Variants in LETMD1 observed in about 807,000 individuals in gnomAD.
The protein encoded by LETMD1 is LETM1 domain containing 1.
Under a neutral mutation model 43.9 loss-of-function variants are expected in LETMD1, and 30 were observed. The observed-to-expected ratio is 0.68, with a 90% CI of 0.51 to 0.93. LETMD1 has a LOEUF of 0.93. Ranked by LOEUF, LETMD1 falls within the 40% of genes least tolerant of loss-of-function variation. LETMD1 has a pLI of 0.00. For synonymous variants in LETMD1, 176 were observed against 163.1 expected, an observed-to-expected ratio of 1.08 and a Z score of -0.60; for missense variants, 413 against 447.7, an observed-to-expected ratio of 0.92 and a Z score of 0.70.
chr12:51,055,678 A>C (rs1262588390), intron 4 of LETMD1, 157 bp from the exon 5 acceptor site: 31 of 425,778 alleles, frequency 7.3e-5, no homozygotes, highest in East Asian at 7.2e-4. Context: ...AAAAAAAAAA[A>C]AAAAAAAAAA....
intron 8 of LETMD1, chr12:51,059,151 A>G (rs1948549838): frequency 3.7e-6 from 2 of 543,064 alleles, no homozygotes; most frequent in Non-Finnish European, 3.3e-6. Context: ...TCACATGAGA[A>G]ATAGAGGATG....
intron 4 of LETMD1, among the ~76,000 whole-genome samples, chr12:51,055,427 G>C (rs1271726377): frequency 6.6e-6 from 1 of 151,998 alleles, no homozygotes; most frequent in Non-Finnish European, 1.5e-5. Context: ...CACTTGGGGA[G>C]ACTGAAGCAG....
chr12:51,048,326 C>CTT (rs1484937555), upstream of LETMD1: 6 of 1,613,784 alleles, frequency 3.7e-6, no homozygotes, highest in Admixed American at 6.7e-5. Context: ...CCAAAGACAA[C>CTT]CTCTTCTCTC....
At chr12:51,063,771 GA>G, downstream of LETMD1, 2 of 1,576,350 alleles carry the variant, frequency 1.3e-6, no homozygotes, top group Non-Finnish European at 8.6e-7. Context: ...GAGTTCTAAG[GA>G]AGAATCTTCA....
At chr12:51,064,603 C>A, downstream of LETMD1, 1 of 1,586,692 alleles carries the variant, frequency 6.3e-7, no homozygotes. Flanking sequence ...GGATTAAATT[C>A]AATGCGTCCT....
chr12:51,051,483 G>A (rs1277268349), intron 2 of LETMD1, among the ~76,000 whole-genome samples: 4 of 151,886 alleles, frequency 2.6e-5, no homozygotes, highest in African/African-American at 9.7e-5. Context: ...CGAGGCAGGT[G>A]GATTGCTTGA....
chr12:51,060,769 G>C (rs1948788413), downstream of LETMD1, among the ~76,000 whole-genome samples: 2 of 152,088 alleles, frequency 1.3e-5, no homozygotes, highest in Admixed American at 1.3e-4. Context: ...AGGCGTGGTG[G>C]TGGGCGCCTG....
At chr12:51,056,770 C>T (rs891265743) in intron 7 of LETMD1, 20 of 286,280 alleles carry the variant, frequency 7.0e-5, no homozygotes, top group African/African-American at 4.1e-4. Flanking sequence ...CCTCCTACCT[C>T]AGCCTCCCAA....
intron 2 of LETMD1, among the ~76,000 whole-genome samples, chr12:51,051,433 C>T (rs528266034): frequency 1.3e-5 from 2 of 150,542 alleles, no homozygotes; most frequent in East Asian, 2.0e-4. Context: ...CCAGGCCGGG[C>T]GCAGTGACTC....
chr12:51,066,484 TACA>T, the LETMD1 span, among the ~76,000 whole-genome samples: 4 of 133,934 alleles, frequency 3.0e-5, no homozygotes, highest in African/African-American at 1.1e-4. Flanking sequence ...ATTACAACAA[TACA>T]ACAATTAGCC....
At chr12:51,066,789 A>G in the LETMD1 span, among the ~76,000 whole-genome samples, 12 of 152,178 alleles carry the variant, frequency 7.9e-5, no homozygotes, top group African/African-American at 2.9e-4. Context: ...GGTACTGAAC[A>G]ATAAGTGTTT....
chr12:51,064,643 G>A (rs1937917073), downstream of LETMD1: 1 of 1,530,970 alleles, frequency 6.5e-7, no homozygotes, highest in Non-Finnish European at 8.8e-7. Context: ...CCCGGGAGCA[G>A]CCACATGGAA....
chr12:51,048,719 C>A, intron 1 of LETMD1: 1 of 610,100 alleles, frequency 1.6e-6, no homozygotes, highest in Non-Finnish European at 2.8e-6. Flanking sequence ...TTCAGCCTCA[C>A]TTTTTCGGCT....
intron 4 of LETMD1, among the ~76,000 whole-genome samples, chr12:51,055,056 C>A (rs1365317798): frequency 6.6e-6 from 1 of 151,776 alleles, no homozygotes; most frequent in Admixed American, 6.6e-5. Flanking sequence ...GCCGAGATCG[C>A]GCCACTGCAG....
At chr12:51,054,561 A>C (rs1029564739) in intron 4 of LETMD1, among the ~76,000 whole-genome samples, 2 of 152,198 alleles carry the variant, frequency 1.3e-5, no homozygotes, top group Admixed American at 1.3e-4. Context: ...GGCAGCCTCA[A>C]GATAGTGGGA....
intron 7 of LETMD1, chr12:51,057,756 G>A: frequency 2.5e-6 from 1 of 404,516 alleles, no homozygotes; most frequent in Non-Finnish European, 4.7e-6. Context: ...CTCCCGAGTA[G>A]CTGGGACTGC....
At chr12:51,060,819 G>A (rs954870626), downstream of LETMD1, among the ~76,000 whole-genome samples, 2 of 150,270 alleles carry the variant, frequency 1.3e-5, no homozygotes, top group African/African-American at 2.5e-5. Flanking sequence ...GGAGAATGGC[G>A]TGAACCCGGG....
At chr12:51,054,669 C>A (rs1947120108) in intron 4 of LETMD1, among the ~76,000 whole-genome samples, 2 of 152,196 alleles carry the variant, frequency 1.3e-5, no homozygotes, top group South Asian at 4.1e-4. Flanking sequence ...AGAGTCACTG[C>A]TGCTCTGTCC....
At chr12:51,054,064 G>A (rs1031574517) in intron 4 of LETMD1, among the ~76,000 whole-genome samples, 1 of 151,986 alleles carries the variant, frequency 6.6e-6, no homozygotes, top group African/African-American at 2.4e-5. Flanking sequence ...AGTGTAGGTG[G>A]CCTAGACTCT....
Sources: allele counts gnomAD v4.1 joint callset (sites outside exome capture counted in the v4.1 genomes callset), GRCh38; gene constraint gnomAD v4.1.1; transcripts MANE v1.5; gene names NCBI Gene and HGNC (gene_info 2026-07-23, HGNC 2026-07-21).